The following AGBL1 variants were observed in gnomAD, a reference collection of about 807,000 sequenced individuals.
The protein encoded by AGBL1 is AGBL carboxypeptidase 1, also known as cytosolic carboxypeptidase 4.
Under a neutral mutation model 118.9 loss-of-function variants are expected in AGBL1, and 130 were observed. The ratio of observed to expected loss-of-function variants is 1.09; its 90% CI spans 0.95 to 1.26. The LOEUF (loss-of-function observed/expected upper bound fraction) is 1.26, where lower values mean the gene tolerates loss of function less well. AGBL1 is among the 50% of genes most tolerant of loss of function. The pLI is 0.00. For synonymous variants in AGBL1, 555 were observed against 478.9 expected (o/e 1.16, Z -2.08); for missense variants, 1,584 against 1,298.1 (o/e 1.22, Z -3.38).
intron 23 of AGBL1, among the ~76,000 whole-genome samples, chr15:86,948,141 C>T (rs535554020): frequency 1.3e-5 from 2 of 152,194 alleles, no homozygotes; most frequent in South Asian, 2.1e-4. Context: ...TGCAGTGACA[C>T]TGAGGCTCCC....
intron 1 of AGBL1, among the ~76,000 whole-genome samples, chr15:86,098,579 C>G (rs1896524232): frequency 1.3e-5 from 2 of 152,082 alleles, no homozygotes. Flanking sequence ...TGTCCTTTCC[C>G]CAGTGTATGT....
rs556283723 is a variant in AGBL1, at chr15:86,712,174, A to G, written c.3158+37738A>G. On this transcript the variant is annotated intron_variant, in intron 22 of 22. Transcript: ENST00000614907. ...AGACATTTTAAGTGACCATGAGAATATTGTTAAAATTTTCAGTGTTTCCAT... is the reference window on the plus strand; with the variant it reads ...AGACATTTTAAGTGACCATGAGAATGTTGTTAAAATTTTCAGTGTTTCCAT... Among the ~76,000 whole-genome samples the G allele has an allele frequency of 2.0e-5, 3 of 152,274 alleles. No homozygotes were observed. In the East Asian group the frequency reaches 5.8e-4, roughly 29 times the overall value.
rs569236930 is a variant in AGBL1 at position 86,289,915 on chromosome 15, C to G, written c.2221-5340C>G. Among the ~76,000 whole-genome samples, 5 of 152,308 alleles carry G rather than the reference C, an allele frequency of 3.3e-5. No individual in the cohort carries two copies. In the East Asian group the frequency reaches 9.6e-4, roughly 29 times the overall value. On this transcript the variant is annotated intron_variant, in intron 16 of 22. Coordinates refer to ENST00000614907, the MANE Select transcript of AGBL1 (RefSeq NM_001386094.1). The stretch of plus-strand genomic sequence containing the variant: ...TGGGCATCTTTGGAGGGCCATTATT[C>G]TGCCTATCACACCAACATAAGCAAT...
At chr15:86,965,395 T>C (rs2081039257) in intron 23 of AGBL1, among the ~76,000 whole-genome samples, 1 of 152,070 alleles carries the variant, frequency 6.6e-6, no homozygotes, top group African/African-American at 2.4e-5. Flanking sequence ...ATGATGAACT[T>C]TTTTTTTCAT....
At chr15:86,223,146 C>T (rs2141924431) in intron 5 of AGBL1, among the ~76,000 whole-genome samples, 1 of 152,232 alleles carries the variant, frequency 6.6e-6, no homozygotes, top group East Asian at 1.9e-4. Context: ...CCTGACTGGT[C>T]TATTTGCCAC....
At chr15:86,741,803 A>G (rs889840663) in intron 22 of AGBL1, among the ~76,000 whole-genome samples, 4 of 151,996 alleles carry the variant, frequency 2.6e-5, no homozygotes, top group Admixed American at 6.6e-5. Context: ...TGTTTTAGTT[A>G]TTCAATCTGC....
intron 17 of AGBL1, chr15:86,305,131 C>CA (rs1307121509): frequency 3.9e-5 from 6 of 152,208 alleles, no homozygotes; most frequent in African/African-American, 1.2e-4. Context: ...GTTATTAACA[C>CA]ATGTCCTGAG....
At chr15:86,563,993 C>T (rs2083872587) in intron 21 of AGBL1, among the ~76,000 whole-genome samples, 1 of 152,160 alleles carries the variant, frequency 6.6e-6, no homozygotes, top group South Asian at 2.1e-4. Context: ...GTAGATCTTC[C>T]TCCATCCCTT....
At chr15:86,867,445 A>T (rs1364622049) in intron 22 of AGBL1, among the ~76,000 whole-genome samples, 1 of 152,180 alleles carries the variant, frequency 6.6e-6, no homozygotes, top group Admixed American at 6.5e-5. Context: ...CCCGAGGATG[A>T]GGGATTCTGT....
At chr15:86,411,952 T>A (rs950568892) in intron 18 of AGBL1, among the ~76,000 whole-genome samples, 1 of 152,184 alleles carries the variant, frequency 6.6e-6, no homozygotes, top group African/African-American at 2.4e-5. Flanking sequence ...AATTAGGGAT[T>A]GGTTGTTATT....
At chr15:86,843,889 C>G (rs2079282402) in intron 22 of AGBL1, among the ~76,000 whole-genome samples, 1 of 152,122 alleles carries the variant, frequency 6.6e-6, no homozygotes, top group South Asian at 2.1e-4. Flanking sequence ...AGGAGTTAAT[C>G]CTTCCACCCT....
At chr15:86,893,449 T>A (rs2080079282) in intron 22 of AGBL1, among the ~76,000 whole-genome samples, 2 of 152,228 alleles carry the variant, frequency 1.3e-5, no homozygotes, top group Non-Finnish European at 2.9e-5. Flanking sequence ...TTTTTCACTA[T>A]AGGAAGCTGT....
At chr15:86,936,802 T>C (rs551919703) in intron 23 of AGBL1, among the ~76,000 whole-genome samples, 7 of 152,156 alleles carry the variant, frequency 4.6e-5, no homozygotes, top group Non-Finnish European at 8.8e-5. Flanking sequence ...AATTGACAAG[T>C]GGGATATAAT....
intron 22 of AGBL1, among the ~76,000 whole-genome samples, chr15:86,899,204 C>T (rs545688131): frequency 9.2e-5 from 14 of 152,182 alleles, no homozygotes; most frequent in Admixed American, 3.3e-4. Flanking sequence ...ACTATGCAGC[C>T]GTAAAAAAGA....
intron 17 of AGBL1, among the ~76,000 whole-genome samples, chr15:86,301,378 A>C (rs1314991346): frequency 6.6e-6 from 1 of 150,748 alleles, no homozygotes; most frequent in Non-Finnish European, 1.5e-5. Flanking sequence ...TCTAGACCTC[A>C]GCCTCTTGTC....
chr15:86,813,095 A>G (rs866253193), intron 22 of AGBL1, among the ~76,000 whole-genome samples: 12 of 152,076 alleles, frequency 7.9e-5, no homozygotes, highest in African/African-American at 2.9e-4. Context: ...GAAGGAAGGA[A>G]GATATTCTGG....
chr15:86,195,284 G>T (rs2077784134), intron 5 of AGBL1, among the ~76,000 whole-genome samples: 2 of 152,098 alleles, frequency 1.3e-5, no homozygotes, highest in African/African-American at 2.4e-5. Flanking sequence ...TTGGTGAAGG[G>T]CATGTTGGGG....
intron 17 of AGBL1, among the ~76,000 whole-genome samples, chr15:86,347,633 AT>A (rs1164419160): frequency 2.0e-5 from 3 of 152,216 alleles, no homozygotes; most frequent in Non-Finnish European, 4.4e-5. Context: ...AAGATGTTGC[AT>A]GTATATTTTC....
At chr15:86,718,494 T>A (rs978602887) in intron 22 of AGBL1, among the ~76,000 whole-genome samples, 2 of 151,896 alleles carry the variant, frequency 1.3e-5, no homozygotes, top group African/African-American at 4.8e-5. Flanking sequence ...GTAACAAACC[T>A]GCACATTGTG....
Sources: allele counts gnomAD v4.1 joint callset (sites outside exome capture counted in the v4.1 genomes callset), GRCh38; gene constraint gnomAD v4.1.1; transcripts MANE v1.5; gene names NCBI Gene and HGNC (gene_info 2026-07-23, HGNC 2026-07-21).